GMDS: variants seen among roughly 807,000 people sequenced by gnomAD.
GMDS encodes GDP-mannose 4,6-dehydratase.
In GMDS, 20 loss-of-function variants were observed where a neutral mutation model predicts 49.9. The ratio of observed to expected loss-of-function variants is 0.40; its 90% confidence interval spans 0.28 to 0.58. The LOEUF is 0.58. GMDS is among the 20% of genes least tolerant of loss of function. The pLI is 0.42. For synonymous variants in GMDS, 177 were observed against 178.6 expected (o/e 0.99, Z 0.07); for missense variants, 362 against 481.4 (o/e 0.75, Z 2.32).
chr6:2,015,838 A>C (rs1767856904), intron 4 of GMDS, among the ~76,000 whole-genome samples: 2 of 152,178 alleles, frequency 1.3e-5, no homozygotes, highest in Admixed American at 6.5e-5. Flanking sequence ...CAAAACTAGC[A>C]AAACAGCAAA....
chr6:1,659,276 G>A (rs936928775), intron 9 of GMDS, among the ~76,000 whole-genome samples: 1 of 151,386 alleles, frequency 6.6e-6, no homozygotes, highest in African/African-American at 2.4e-5. Context: ...CGTTTCAACT[G>A]CACGATTCAG....
intron 7 of GMDS, among the ~76,000 whole-genome samples, chr6:1,918,583 TAAAAAG>T (rs1341798292): frequency 6.6e-6 from 1 of 150,780 alleles, no homozygotes; most frequent in African/African-American, 2.4e-5. Context: ...TCATCTCTAC[TAAAAAG>T]AAAAAAAAAT....
chr6:2,099,491 T>C (rs1773801397), intron 4 of GMDS, among the ~76,000 whole-genome samples: 1 of 152,154 alleles, frequency 6.6e-6, no homozygotes, highest in Non-Finnish European at 1.5e-5. Context: ...CACCTAAATT[T>C]ATTTACATGC....
intron 7 of GMDS, among the ~76,000 whole-genome samples, chr6:1,871,001 G>GACT (rs1411430350): frequency 6.6e-6 from 1 of 151,950 alleles, no homozygotes; most frequent in Non-Finnish European, 1.5e-5. Flanking sequence ...CCGCTAATTA[G>GACT]AGAGAAATGC....
chr6:1,960,787 G>T lies in GMDS; in HGVS notation c.525C>A (p.Pro175=). 6 of 1,596,548 alleles carry T rather than the reference G, an allele frequency of 3.8e-6. No individual in the cohort carries two copies. The highest frequency in any genetic ancestry group is 4.3e-6 in the Non-Finnish European group (5 of 1,166,514). The change falls in exon 5 of 11, where the codon CCC becomes CCA. Residue 175 remains proline (P), a synonymous_variant. Transcript: ENST00000380815. ...GCATGTTCTCACCATAGGGTGACCG[G>T]GGATAGAAAGGGGTGGTCTCCTTCT... The part of the protein sequence containing the change: ...IPQKETTPFY[P]RSPYGAAKLY...
intron 4 of GMDS, among the ~76,000 whole-genome samples, chr6:2,037,011 G>C (rs1769348111): frequency 6.6e-6 from 1 of 152,194 alleles, no homozygotes; most frequent in Non-Finnish European, 1.5e-5. Flanking sequence ...GGAACAGCCT[G>C]AACTTGTGAG....
intron 7 of GMDS, among the ~76,000 whole-genome samples, chr6:1,874,426 A>T (rs1437147451): frequency 1.3e-5 from 2 of 152,210 alleles, no homozygotes; most frequent in African/African-American, 4.8e-5. Flanking sequence ...TTTCTCAATT[A>T]TATTATTTTG....
At chr6:2,038,304 C>T (rs1250848678) in intron 4 of GMDS, among the ~76,000 whole-genome samples, 1 of 152,166 alleles carries the variant, frequency 6.6e-6, no homozygotes, top group Admixed American at 6.5e-5. Context: ...AAGTGGTTAA[C>T]CCACATCCCT....
At chr6:2,148,081 T>C (rs1027514411) in intron 1 of GMDS, among the ~76,000 whole-genome samples, 1 of 152,118 alleles carries the variant, frequency 6.6e-6, no homozygotes, top group Admixed American at 6.6e-5. Context: ...TCCTGTGTTT[T>C]GAAACACATT....
intron 7 of GMDS, among the ~76,000 whole-genome samples, chr6:1,803,717 G>C (rs1318453511): frequency 6.6e-6 from 1 of 152,114 alleles, no homozygotes; most frequent in Non-Finnish European, 1.5e-5. Flanking sequence ...GTTTAACTCT[G>C]CTGGGTCAAT....
At chr6:1,636,927 G>T (rs1019664878) in intron 9 of GMDS, among the ~76,000 whole-genome samples, 1 of 152,196 alleles carries the variant, frequency 6.6e-6, no homozygotes, top group East Asian at 1.9e-4. Flanking sequence ...ACGGGGGATC[G>T]CTGGGACCGG....
chr6:1,805,105 C>A (rs1006993054), intron 7 of GMDS, among the ~76,000 whole-genome samples: 3 of 152,188 alleles, frequency 2.0e-5, no homozygotes, highest in African/African-American at 7.2e-5. Flanking sequence ...TCTTCAGTAA[C>A]ACAGAACTCA....
intron 7 of GMDS, among the ~76,000 whole-genome samples, chr6:1,756,432 T>C (rs1767948003): frequency 6.6e-6 from 1 of 152,002 alleles, no homozygotes; most frequent in African/African-American, 2.4e-5. Context: ...TCCAGCTAAT[T>C]TTTGTGTGTG....
At chr6:2,108,436 G>A (rs1774360331) in intron 4 of GMDS, among the ~76,000 whole-genome samples, 1 of 152,132 alleles carries the variant, frequency 6.6e-6, no homozygotes, top group East Asian at 1.9e-4. Context: ...TTCCTGATGA[G>A]TTAGTACCGT....
chr6:1,686,128 C>G (rs955727368), intron 9 of GMDS, among the ~76,000 whole-genome samples: 1 of 152,060 alleles, frequency 6.6e-6, no homozygotes, highest in Non-Finnish European at 1.5e-5. Flanking sequence ...CATTACAGAC[C>G]CTTTGCTGGC....
intron 9 of GMDS, among the ~76,000 whole-genome samples, chr6:1,682,279 T>C (rs957644267): frequency 6.6e-6 from 1 of 152,210 alleles, no homozygotes; most frequent in Non-Finnish European, 1.5e-5. Flanking sequence ...TCCCAAAAGA[T>C]AGGTACACTT....
intron 4 of GMDS, among the ~76,000 whole-genome samples, chr6:2,020,358 T>C (rs1285093718): frequency 6.6e-6 from 1 of 151,848 alleles, no homozygotes; most frequent in Non-Finnish European, 1.5e-5. Context: ...AATGTACATA[T>C]CAGTTATGAG....
rs578049556 is a variant in GMDS, at chr6:1,960,848, G to A, written c.464C>T (p.Thr155Ile). Reference sequence around the variant, plus strand: ...CTGCACTTTCCCATAAAGTTCACTTGTTGAGGCTTGGTAGAACTTCACAGA... The same window carrying A: ...CTGCACTTTCCCATAAAGTTCACTTATTGAGGCTTGGTAGAACTTCACAGA... Reference protein sequence around the residue: ...INSVKFYQASTSELYGKVQEI... With the variant: ...INSVKFYQASISELYGKVQEI... Residue 155 changes from threonine (T) to isoleucine (I), a missense_variant, in exon 5 of 11, where the codon ACA becomes ATA. Thr to Ile is a moderately conservative substitution (Grantham distance 89). Coordinates refer to ENST00000380815, the MANE Select transcript of GMDS (RefSeq NM_001500.4). The A allele has an allele frequency of 1.2e-6, 2 of 1,612,450 alleles. No homozygotes were observed. Among genetic ancestry groups the A allele is most frequent in the South Asian group, 1.1e-5 (1 of 90,898 alleles).
chr6:2,047,541 T>G (rs999599619), intron 4 of GMDS, among the ~76,000 whole-genome samples: 1 of 152,142 alleles, frequency 6.6e-6, no homozygotes, highest in African/African-American at 2.4e-5. Context: ...GGCTGGGCAG[T>G]GCAGTGGTGT....
Sources: gnomAD v4.1 joint callset for allele counts (sites outside exome capture counted in the v4.1 genomes callset) on GRCh38, gnomAD v4.1.1 for gene constraint, MANE v1.5 for transcripts, NCBI Gene and HGNC (gene_info 2026-07-23, HGNC 2026-07-21) for gene names.